FRMD4A: variants seen among roughly 807,000 people sequenced by gnomAD.
FRMD4A encodes the protein FERM domain containing 4A.
FRMD4A carries 29 observed loss-of-function variants against 129.1 expected under a neutral mutation model. The ratio of observed to expected loss-of-function variants is 0.22; its 90% CI spans 0.17 to 0.31. The LOEUF (loss-of-function observed/expected upper bound fraction) is 0.31. FRMD4A is among the 10% of genes least tolerant of loss of function. The pLI is 1.00. For missense variants in FRMD4A, 1,272 were observed against 1,375.8 expected, an observed-to-expected ratio of 0.92 and a Z score of 1.19; for synonymous variants, 634 against 571.6, an observed-to-expected ratio of 1.11 and a Z score of -1.56.
chr10:13,764,375 T>G (rs544260609), intron 6 of FRMD4A, among the ~76,000 whole-genome samples: 1 of 151,882 alleles, frequency 6.6e-6, no homozygotes, highest in South Asian at 2.1e-4. Flanking sequence ...AGTGGTGGTG[T>G]ATGCCTGTAG....
intron 2 of FRMD4A, among the ~76,000 whole-genome samples, chr10:14,270,178 T>G (rs1221701894): frequency 6.6e-6 from 1 of 152,204 alleles, no homozygotes; most frequent in African/African-American, 2.4e-5. Flanking sequence ...GGACTTAGAC[T>G]GAGTTATGTT....
rs754506789 is a variant in FRMD4A at position 14,050,144 on chromosome 10, C to T, written c.46-191232G>A. Among the ~76,000 whole-genome samples the T allele has an allele frequency of 5.9e-5, 9 of 152,238 alleles. No individual in the cohort carries two copies. The East Asian group carries it at 1.5e-3, about 26-fold the overall frequency. On this transcript the variant is annotated intron_variant, in intron 2 of 24. Coordinates refer to ENST00000357447, the MANE Select transcript of FRMD4A (RefSeq NM_018027.5). ...AATGACATTCTTCTCACTGAGTTAT[C>T]GTGAGGATTAAATGAATTAATACAC...
intron 15 of FRMD4A, among the ~76,000 whole-genome samples, chr10:13,690,739 TG>T (rs980736274): frequency 1.3e-5 from 2 of 152,190 alleles, no homozygotes; most frequent in African/African-American, 4.8e-5. Context: ...GCTCTGCAAG[TG>T]GCCCCAGCTG....
At chr10:14,107,652 T>A (rs1274909176) in intron 2 of FRMD4A, among the ~76,000 whole-genome samples, 1 of 152,184 alleles carries the variant, frequency 6.6e-6, no homozygotes, top group Non-Finnish European at 1.5e-5. Context: ...TTTAAAAATA[T>A]AAATAAAAGT....
chr10:13,665,952 C>T lies in FRMD4A; in HGVS notation c.1603+145G>A, dbSNP rs377208075. On this transcript the variant is annotated intron_variant, in intron 18 of 24. Coordinates refer to ENST00000357447, the MANE Select transcript of FRMD4A (RefSeq NM_018027.5). ...CTCTCATGTGGGATCAGGCCTTACT[C>T]GCTTCATTTTATGGATGGACAAATG... The T allele has an allele frequency of 4.3e-4, 272 of 639,746 alleles. 4 individuals carry two copies. The South Asian group carries it at 4.4e-3, about 10-fold the overall frequency. 39.6% of individuals were successfully genotyped at this position (639,746 alleles called of 1,614,324 possible). A position where few individuals can be genotyped will look rare whatever the true frequency, so the allele number is the denominator to read the frequency against.
chr10:14,246,776 G>A (rs951053871), intron 2 of FRMD4A, among the ~76,000 whole-genome samples: 4 of 152,046 alleles, frequency 2.6e-5, no homozygotes, highest in Non-Finnish European at 4.4e-5. Flanking sequence ...GTCCCGCCTC[G>A]GTGGAAATAC....
chr10:14,150,644 G>A (rs1007687680), intron 2 of FRMD4A, among the ~76,000 whole-genome samples: 64 of 152,206 alleles, frequency 4.2e-4, no homozygotes, highest in African/African-American at 1.5e-3. Context: ...CTCTGCCAGT[G>A]ATTTATTTTT....
chr10:13,891,835 C>G (rs2094701473), intron 2 of FRMD4A: 4 of 736,674 alleles, frequency 5.4e-6, no homozygotes, highest in South Asian at 6.0e-5. Context: ...CCTCTCGCGC[C>G]GAGCCTGGCC....
chr10:13,769,238 T>TGCGC (rs1554888226), intron 6 of FRMD4A, among the ~76,000 whole-genome samples: 5 of 148,132 alleles, frequency 3.4e-5, no homozygotes, highest in African/African-American at 1.3e-4. Flanking sequence ...TGTGTGTGTG[T>TGCGC]GCGTATGTGT....
At chr10:14,171,778 T>A (rs901539037) in intron 2 of FRMD4A, among the ~76,000 whole-genome samples, 1 of 152,198 alleles carries the variant, frequency 6.6e-6, no homozygotes, top group African/African-American at 2.4e-5. Context: ...TGAATAACCA[T>A]AACATGCCAA....
rs79475424 is a variant in FRMD4A, at chr10:13,849,576, G to T, written c.111+9271C>A. Among the ~76,000 whole-genome samples the T allele has an allele frequency of 5.6e-3, 849 of 150,650 alleles. 25 individuals are homozygous for T. The highest frequency in any genetic ancestry group is 0.042 in the Admixed American group (628 of 15,124). ...GCTCACTGCAACCTCCATCTCCCAC[G>T]TTCAAGGGATTCTCCTGCCTCAGCC... On this transcript the variant is annotated intron_variant, in intron 3 of 24. Transcript: ENST00000357447.
intron 2 of FRMD4A, among the ~76,000 whole-genome samples, chr10:14,137,515 A>T (rs1184228479): frequency 1.3e-5 from 2 of 152,186 alleles, no homozygotes; most frequent in African/African-American, 4.8e-5. Flanking sequence ...ATCAGCACAT[A>T]CTGATTTCAA....
At position 13,684,896 on chromosome 10, in the gene FRMD4A, C is replaced by T. The variant is rs550822044; in HGVS notation, c.1117+9002G>A. On this transcript the variant is annotated intron_variant, in intron 15 of 24. Transcript: ENST00000357447. ...GAAAAAAAAAAAAAAATGAAGAAGGCGGTATATTCCCAGCAGATCAGTAAA... is the reference window on the plus strand; with the variant it reads ...GAAAAAAAAAAAAAAATGAAGAAGGTGGTATATTCCCAGCAGATCAGTAAA... 1.0e-4 allele frequency: 101 copies of T among 982,370 alleles called. No individual in the cohort carries two copies. In the African/African-American group the frequency reaches 1.4e-3, roughly 14 times the overall value. 60.9% of individuals were successfully genotyped at this position (982,370 alleles called of 1,614,324 possible). A position where few individuals can be genotyped will look rare whatever the true frequency, so the allele number is the denominator to read the frequency against.
At chr10:14,251,201 A>G (rs552735729) in intron 2 of FRMD4A, among the ~76,000 whole-genome samples, 134 of 152,336 alleles carry the variant, frequency 8.8e-4, no homozygotes, top group African/African-American at 3.1e-3. Context: ...TAGACTATTA[A>G]TTAGAAACAA....
intron 2 of FRMD4A, among the ~76,000 whole-genome samples, chr10:14,288,083 G>A (rs573227209): frequency 6.6e-6 from 1 of 152,140 alleles, no homozygotes; most frequent in African/African-American, 2.4e-5. Flanking sequence ...GCCCTGAGAA[G>A]AAAGACTTAT....
intron 3 of FRMD4A, among the ~76,000 whole-genome samples, chr10:13,847,744 C>T (rs1397056722): frequency 1.3e-5 from 2 of 152,218 alleles, no homozygotes; most frequent in Admixed American, 1.3e-4. Context: ...CCAGCCACTC[C>T]TGGACTCGTA....
rs190030425 is a variant in FRMD4A at position 13,779,151 on chromosome 10, T to C, written c.384+3771A>G. Among the ~76,000 whole-genome samples the C allele has an allele frequency of 2.6e-5, 4 of 152,178 alleles. No homozygotes were observed. The East Asian group carries it at 7.7e-4, about 29-fold the overall frequency. ...GACTAACACGGTGAAACCCCATCTC[T>C]ACTAAAAATACAAAAATTAGCCAGG... On this transcript the variant is annotated intron_variant, in intron 6 of 24. Coordinates refer to ENST00000357447, the MANE Select transcript of FRMD4A (RefSeq NM_018027.5).
intron 2 of FRMD4A, among the ~76,000 whole-genome samples, chr10:13,990,949 G>A (rs2131425852): frequency 6.6e-6 from 1 of 152,302 alleles, no homozygotes; most frequent in African/African-American, 2.4e-5. Context: ...AAGGTATGGA[G>A]TGGGGGACCT....
intron 2 of FRMD4A, among the ~76,000 whole-genome samples, chr10:14,309,685 A>G (rs1212763138): frequency 6.6e-6 from 1 of 151,800 alleles, no homozygotes; most frequent in African/African-American, 2.4e-5. Context: ...CTGCCTCCAT[A>G]TCTAACAGTG....
Sources: gnomAD v4.1 joint callset for allele counts (sites outside exome capture counted in the v4.1 genomes callset) on GRCh38, gnomAD v4.1.1 for gene constraint, MANE v1.5 for transcripts, NCBI Gene and HGNC (gene_info 2026-07-23, HGNC 2026-07-21) for gene names.